PSPC1: variants seen among roughly 807,000 people sequenced by gnomAD.
PSPC1 encodes paraspeckle protein 1.
A neutral mutation model predicts 51.6 loss-of-function variants in PSPC1; 14 were observed. The ratio of observed to expected loss-of-function variants is 0.27; its 90% confidence interval spans 0.18 to 0.42. The LOEUF (loss-of-function observed/expected upper bound fraction) is 0.42. Among genes scored for constraint, PSPC1 ranks in the 10% least tolerant of loss-of-function variants. The pLI is 1.00. For missense variants in PSPC1, 406 were observed against 701.1 expected (o/e 0.58, Z 4.75); for synonymous variants, 193 against 231.9 (o/e 0.83, Z 1.53).
chr13:19,698,769 A>G (rs868768562), downstream of PSPC1, among the ~76,000 whole-genome samples: 33 of 152,102 alleles, frequency 2.2e-4, no homozygotes, highest in Middle Eastern at 3.4e-3. Context: ...TGATAGTGAC[A>G]ATGGTAACTG....
rs994907275 is a variant in PSPC1 at position 19,782,043 on chromosome 13, C to A, written c.372+343G>T. 1.3e-5 allele frequency among the ~76,000 whole-genome samples: 2 copies of A among 152,222 alleles called. No individual in the cohort carries two copies. Among genetic ancestry groups the A allele is most frequent in the Non-Finnish European group, 2.9e-5 (2 of 68,040 alleles). On this transcript the variant is annotated intron_variant, in intron 1 of 8. Transcript: ENST00000338910. This position sits in a 1 kb window ranked among gnomAD's most constrained non-coding sequence, Gnocchi z 4.5. ...CCCTGTCCCCGGACCCTTTCGGTAC[C>A]CGGGGCAACGGGGAACCCGGGAGCG...
chr13:19,713,985 A>G (rs910383767), intron 6 of PSPC1, among the ~76,000 whole-genome samples: 4 of 152,240 alleles, frequency 2.6e-5, no homozygotes. Flanking sequence ...GCACAAGCCA[A>G]GAGACTTGGG....
intron 6 of PSPC1, among the ~76,000 whole-genome samples, chr13:19,729,255 G>A (rs763732535): frequency 2.0e-5 from 3 of 151,918 alleles, no homozygotes; most frequent in South Asian, 2.1e-4. Flanking sequence ...TAGAAATGTC[G>A]GCTGGGCATG....
intron 6 of PSPC1, among the ~76,000 whole-genome samples, chr13:19,717,000 G>A (rs1882177501): frequency 6.6e-6 from 1 of 151,772 alleles, no homozygotes; most frequent in African/African-American, 2.4e-5. Context: ...GACCAGCCTG[G>A]CCATGATGGT....
chr13:19,754,187 C>T (rs755765404), intron 3 of PSPC1, among the ~76,000 whole-genome samples: 1 of 151,700 alleles, frequency 6.6e-6, no homozygotes, highest in African/African-American at 2.4e-5. Context: ...TGGGTTCAAG[C>T]GATTCTCCTG....
chr13:19,691,950 A>G (rs1242052308), intron 6 of PSPC1, among the ~76,000 whole-genome samples: 1 of 152,024 alleles, frequency 6.6e-6, no homozygotes, highest in African/African-American at 2.4e-5. Flanking sequence ...TATCTGGGAG[A>G]CGGAGGAACC....
At chr13:19,776,444 C>T (rs1048932773) in intron 1 of PSPC1, among the ~76,000 whole-genome samples, 2 of 152,068 alleles carry the variant, frequency 1.3e-5, no homozygotes, top group Non-Finnish European at 2.9e-5. Context: ...CTAGTCTGGG[C>T]ACTCTGTCTC....
intron 6 of PSPC1, among the ~76,000 whole-genome samples, chr13:19,716,305 G>A (rs1882084940): frequency 6.6e-6 from 1 of 152,174 alleles, no homozygotes; most frequent in East Asian, 1.9e-4. Flanking sequence ...ACTTAACACA[G>A]TACTCAGGTA....
chr13:19,736,556 G>A (rs1450395602), intron 5 of PSPC1, among the ~76,000 whole-genome samples: 12 of 151,950 alleles, frequency 7.9e-5, no homozygotes, highest in African/African-American at 2.4e-4. Flanking sequence ...GGTGACAGGC[G>A]CCTGTAATCC....
At chr13:19,759,236 G>T in intron 3 of PSPC1, 87 bp downstream of exon 3, 1 of 1,004,748 alleles carries the variant, frequency 1.0e-6, no homozygotes, top group South Asian at 1.4e-5. Flanking sequence ...TAAATAAACA[G>T]AACACCTCAT....
intron 3 of PSPC1, among the ~76,000 whole-genome samples, chr13:19,753,202 G>C (rs1396453310): frequency 6.8e-6 from 1 of 147,356 alleles, no homozygotes; most frequent in African/African-American, 2.5e-5. Context: ...AGAATCGCTT[G>C]AACTCGGGAG....
At chr13:19,701,741 T>C (rs970080224), downstream of PSPC1, among the ~76,000 whole-genome samples, 2 of 152,228 alleles carry the variant, frequency 1.3e-5, no homozygotes, top group Non-Finnish European at 2.9e-5. Flanking sequence ...ACATAGTGTT[T>C]ATTTTAAAAT....
rs1383501954 is a variant in PSPC1 at position 19,744,720 on chromosome 13, G to C, written c.968-3071C>G. Among the ~76,000 whole-genome samples, 4 of 151,940 alleles carry C rather than the reference G, an allele frequency of 2.6e-5. 1 individual carries two copies. The highest frequency in any genetic ancestry group is 5.9e-5 in the Non-Finnish European group (4 of 67,988). On this transcript the variant is annotated intron_variant, in intron 4 of 8. Coordinates refer to ENST00000338910, the MANE Select transcript of PSPC1 (RefSeq NM_001354909.2). ...GCTGGGATTATAGGCGCCCACAACC[G>C]CGCCCAGCTAATTTTTGTATTTTTA...
intron 7 of PSPC1, chr13:19,675,758 G>A (rs1343822802): frequency 6.6e-6 from 1 of 152,190 alleles, no homozygotes; most frequent in African/African-American, 2.4e-5. Flanking sequence ...TGCTAGACTA[G>A]AATCACTGAC....
downstream of PSPC1, among the ~76,000 whole-genome samples, chr13:19,701,426 C>T (rs998609600): frequency 6.6e-6 from 1 of 151,252 alleles, no homozygotes; most frequent in African/African-American, 2.4e-5. Context: ...AAAGCAAATC[C>T]CACTCTCCAT....
At chr13:19,685,051 G>A (rs754720721) in intron 6 of PSPC1, among the ~76,000 whole-genome samples, 14 of 152,180 alleles carry the variant, frequency 9.2e-5, no homozygotes, top group Non-Finnish European at 1.6e-4. Context: ...GAGAAATTTA[G>A]ACTATATAGA....
At chr13:19,730,181 A>G in intron 6 of PSPC1, 58 bp downstream of exon 6, 5 of 1,412,346 alleles carry the variant, frequency 3.5e-6, no homozygotes, top group Non-Finnish European at 5.0e-6. Flanking sequence ...AGCATTCTAA[A>G]TATGCATCAT....
At chr13:19,739,502 C>A (rs887744321) in intron 5 of PSPC1, among the ~76,000 whole-genome samples, 1 of 152,068 alleles carries the variant, frequency 6.6e-6, no homozygotes, top group Non-Finnish European at 1.5e-5. Flanking sequence ...AATCCCAGCA[C>A]TTTGGGAGGC....
chr13:19,766,671 T>C (rs1347950190), intron 2 of PSPC1, among the ~76,000 whole-genome samples: 1 of 151,216 alleles, frequency 6.6e-6, no homozygotes, highest in African/African-American at 2.4e-5. Context: ...TAAGACCTTA[T>C]CTCCAAAAAA....
Sources: allele counts gnomAD v4.1 joint callset (sites outside exome capture counted in the v4.1 genomes callset), GRCh38; gene constraint gnomAD v4.1.1; non-coding constraint Gnocchi (gnomAD v3.1); transcripts MANE v1.5; gene names NCBI Gene and HGNC (gene_info 2026-07-23, HGNC 2026-07-21).